RAB22A: variants seen among roughly 807,000 people sequenced by gnomAD.
The protein encoded by RAB22A is ras-related protein Rab-22A.
A neutral mutation model predicts 30.2 loss-of-function variants in RAB22A; 13 were observed. The ratio of observed to expected loss-of-function variants is 0.43; its 90% confidence interval spans 0.28 to 0.68. RAB22A has a LOEUF of 0.68. RAB22A is among the 30% of genes least tolerant of loss of function. The probability of loss-of-function intolerance (pLI) is 0.18; values close to 1 mark genes in which losing one functional copy is unlikely to be tolerated. For synonymous variants in RAB22A, 89 were observed against 87.2 expected (o/e 1.02, Z -0.11); for missense variants, 177 against 246.8 (o/e 0.72, Z 1.89).
intron 3 of RAB22A, among the ~76,000 whole-genome samples, chr20:58,347,752 T>C (rs1185923975): frequency 6.6e-6 from 1 of 152,258 alleles, no homozygotes; most frequent in African/African-American, 2.4e-5. Flanking sequence ...CCCTATTATT[T>C]GCTATCTTGA....
At chr20:58,354,864 C>A (rs549107819) in intron 6 of RAB22A, among the ~76,000 whole-genome samples, 127 of 152,318 alleles carry the variant, frequency 8.3e-4, no homozygotes, top group African/African-American at 3.1e-3. Flanking sequence ...ATAGACGCAG[C>A]CCCTGCTCTC....
chr20:58,332,173 A>T (rs1986673115), intron 2 of RAB22A, among the ~76,000 whole-genome samples: 1 of 152,350 alleles, frequency 6.6e-6, no homozygotes, highest in South Asian at 2.1e-4. Context: ...AAGCAAGATA[A>T]GTTTTTAAAA....
chr20:58,320,060 G>T (rs1303433591), intron 2 of RAB22A, among the ~76,000 whole-genome samples: 1 of 152,084 alleles, frequency 6.6e-6, no homozygotes, highest in Non-Finnish European at 1.5e-5. Context: ...TTCTCTCCAT[G>T]TAGTTTTCTG....
At chr20:58,320,400 C>T (rs1338805592) in intron 2 of RAB22A, among the ~76,000 whole-genome samples, 2 of 151,882 alleles carry the variant, frequency 1.3e-5, no homozygotes, top group Non-Finnish European at 1.5e-5. Flanking sequence ...TTATAATATC[C>T]ACTTCTTATC....
intron 2 of RAB22A, among the ~76,000 whole-genome samples, chr20:58,333,307 A>AAATAAATCAATCAATC: frequency 6.6e-6 from 1 of 151,652 alleles, no homozygotes; most frequent in South Asian, 2.1e-4. Context: ...ATAAATAAAT[A>AAATAAATCAATCAATC]AATCCCGCCA....
At chr20:58,322,617 T>C (rs543142097) in intron 2 of RAB22A, among the ~76,000 whole-genome samples, 40 of 152,268 alleles carry the variant, frequency 2.6e-4, no homozygotes, top group Non-Finnish European at 4.0e-4. Flanking sequence ...ATTATTTTAA[T>C]GATTTGCTAG....
intron 2 of RAB22A, among the ~76,000 whole-genome samples, chr20:58,325,892 T>C (rs1291887988): frequency 6.6e-6 from 1 of 152,210 alleles, no homozygotes; most frequent in Non-Finnish European, 1.5e-5. Flanking sequence ...TTGTCTTTGC[T>C]GGGTTTTTGG....
intron 2 of RAB22A, among the ~76,000 whole-genome samples, chr20:58,336,235 C>T (rs1025086456): frequency 6.6e-6 from 1 of 152,174 alleles, no homozygotes; most frequent in Non-Finnish European, 1.5e-5. Context: ...TGGTCTCGTA[C>T]TCCTGACCTC....
At chr20:58,356,376 T>C (rs1018196000) in intron 6 of RAB22A, among the ~76,000 whole-genome samples, 1 of 151,412 alleles carries the variant, frequency 6.6e-6, no homozygotes, top group African/African-American at 2.4e-5. Flanking sequence ...TAAAAACTAG[T>C]ATGTACATAT....
rs540494396 is a variant in RAB22A at position 58,347,305 on chromosome 20, A to C, written c.198+3506A>C. Among the ~76,000 whole-genome samples, 348 of 152,322 alleles carry C rather than the reference A, an allele frequency of 2.3e-3. 3 individuals carry two copies. Among genetic ancestry groups the C allele is most frequent in the African/African-American group, 8.1e-3 (338 of 41,572 alleles). On this transcript the variant is annotated intron_variant, in intron 3 of 6. Coordinates refer to ENST00000244040, the MANE Select transcript of RAB22A (RefSeq NM_020673.3). ...TGATTTCATTAAGTCAATGAAAGTGATTTTGGAGAATTTCTCAAATGTCCT... is the reference window on the plus strand; with the variant it reads ...TGATTTCATTAAGTCAATGAAAGTGCTTTTGGAGAATTTCTCAAATGTCCT...
chr20:58,318,650 G>C (rs11697357), intron 2 of RAB22A, among the ~76,000 whole-genome samples: 4 of 151,462 alleles, frequency 2.6e-5, no homozygotes, highest in African/African-American at 9.7e-5. Flanking sequence ...TCTCCTCCCC[G>C]CCTCCTGTTT....
intron 2 of RAB22A, among the ~76,000 whole-genome samples, chr20:58,330,353 T>C (rs919652809): frequency 6.6e-6 from 1 of 152,214 alleles, no homozygotes; most frequent in African/African-American, 2.4e-5. Flanking sequence ...AATATGACTT[T>C]CTTTAAGTCT....
chr20:58,329,106 T>A (rs1320163896), intron 2 of RAB22A, among the ~76,000 whole-genome samples: 1 of 148,598 alleles, frequency 6.7e-6, no homozygotes, highest in Admixed American at 6.8e-5. Context: ...CAGGCTGGAG[T>A]GCAGTGGCGC....
At chr20:58,330,314 A>G (rs2122943022) in intron 2 of RAB22A, among the ~76,000 whole-genome samples, 1 of 152,272 alleles carries the variant, frequency 6.6e-6, no homozygotes, top group South Asian at 2.1e-4. Context: ...TATATATTTT[A>G]CATGCATAGT....
At chr20:58,310,153 C>G in intron 1 of RAB22A, 141 bp downstream of exon 1, 1 of 875,004 alleles carries the variant, frequency 1.1e-6, no homozygotes, top group Non-Finnish European at 1.5e-6. Flanking sequence ...CCCTCCAGCT[C>G]GGGAGCCGTC....
At chr20:58,335,308 G>A (rs911272179) in intron 2 of RAB22A, among the ~76,000 whole-genome samples, 13 of 152,122 alleles carry the variant, frequency 8.5e-5, no homozygotes, top group African/African-American at 1.9e-4. Flanking sequence ...GGTCTTTGTC[G>A]TACAGATAAA....
rs1987245044 is a variant in RAB22A at position 58,362,615 on chromosome 20, G to C, written c.*2912G>C. The stretch of plus-strand genomic sequence containing the variant: ...TGGTCTCCAGAACTCTCACACAAGT[G>C]TTTTTCTGATTCTATGATAACTAAT... On this transcript the variant is annotated 3_prime_UTR_variant, in exon 7 of 7. Coordinates refer to ENST00000244040, the MANE Select transcript of RAB22A (RefSeq NM_020673.3). 1 of 152,170 alleles carries C rather than the reference G, an allele frequency of 6.6e-6. No homozygotes were observed. The allele number at this position is 152,170 out of a possible 1,614,324, so 9.4% of individuals were successfully genotyped here.
intron 2 of RAB22A, among the ~76,000 whole-genome samples, chr20:58,333,257 C>G (rs1477087721): frequency 7.2e-6 from 1 of 139,030 alleles, no homozygotes; most frequent in Non-Finnish European, 1.6e-5. Flanking sequence ...CCAGCCTGGG[C>G]GACAGAGTGA....
At chr20:58,347,315 AT>A (rs1219364891) in intron 3 of RAB22A, among the ~76,000 whole-genome samples, 1 of 152,206 alleles carries the variant, frequency 6.6e-6, no homozygotes, top group Admixed American at 6.5e-5. Flanking sequence ...ATTTTGGAGA[AT>A]TTCTCAAATG....
Sources: allele counts gnomAD v4.1 joint callset (sites outside exome capture counted in the v4.1 genomes callset), GRCh38; gene constraint gnomAD v4.1.1; transcripts MANE v1.5; gene names NCBI Gene and HGNC (gene_info 2026-07-23, HGNC 2026-07-21).